Variants in DIP2C observed in about 807,000 individuals in gnomAD.
DIP2C encodes disco-interacting protein 2 homolog C.
In DIP2C, 33 loss-of-function variants were observed where a neutral mutation model predicts 192.4. The observed-to-expected ratio is 0.17, with a 90% CI of 0.13 to 0.23. The LOEUF (loss-of-function observed/expected upper bound fraction) is 0.23. DIP2C is among the 10% of genes least tolerant of loss of function. The pLI, the probability that DIP2C is intolerant of heterozygous loss-of-function variation, is 1.00. For missense variants in DIP2C, 1,537 were observed against 2,110.1 expected, an observed-to-expected ratio of 0.73 and a Z score of 5.32; for synonymous variants, 979 against 864.1, an observed-to-expected ratio of 1.13 and a Z score of -2.33.
At chr10:524,522 A>T (rs1053858805) in intron 1 of DIP2C, among the ~76,000 whole-genome samples, 1 of 152,216 alleles carries the variant, frequency 6.6e-6, no homozygotes, top group Non-Finnish European at 1.5e-5. Context: ...GTGCAAATGT[A>T]TAAAACATGG....
At chr10:644,896 G>A (rs1408718064) in intron 1 of DIP2C, among the ~76,000 whole-genome samples, 1 of 152,250 alleles carries the variant, frequency 6.6e-6, no homozygotes, top group Non-Finnish European at 1.5e-5. Flanking sequence ...AGTCGCATGG[G>A]AAAGTGAGCA....
chr10:446,409 C>G (rs531519390), intron 3 of DIP2C, among the ~76,000 whole-genome samples: 2 of 151,972 alleles, frequency 1.3e-5, no homozygotes, highest in African/African-American at 2.4e-5. Flanking sequence ...CCATGGTCCA[C>G]TGGGCATCTG....
chr10:679,766 C>T (rs1338457979), intron 1 of DIP2C, among the ~76,000 whole-genome samples: 6 of 152,068 alleles, frequency 3.9e-5, no homozygotes, highest in Admixed American at 2.6e-4. Context: ...CCATGATCCC[C>T]GCACCCGTGC....
Position 281,222 on chromosome 10 carries a change from C to T in DIP2C, c.4396G>A (p.Ala1466Thr), listed in dbSNP as rs142438404. The T allele has an allele frequency of 9.2e-5, 148 of 1,614,044 alleles. No homozygotes were observed. The highest frequency in any genetic ancestry group is 1.2e-4 in the Non-Finnish European group (138 of 1,180,032). ...PIDIETSVIR[A>T]HKSVTECAVF... is the part of the protein sequence containing the mutation. ...TACCATTCCGTAACGCTTTTATGGG[C>T]TCTGATGACCGAGGTCTCAATGTCG... Residue 1466 changes from alanine (A) to threonine (T), a missense_variant, in exon 36 of 37, where the codon GCC becomes ACC. Ala to Thr is a moderately conservative substitution (Grantham distance 58). Around this residue, in one of 4 missense-constraint regions of DIP2C, gnomAD observed 341 missense variants for 551.7 expected, o/e 0.62. Transcript: ENST00000280886.
In DIP2C at chr10:277,360, G is replaced by C; in HGVS notation, c.4636C>G (p.Gln1546Glu). The C allele has an allele frequency of 6.2e-7, 1 of 1,614,158 alleles. No homozygotes were observed. Among genetic ancestry groups the C allele is most frequent in the South Asian group, 1.1e-5 (1 of 91,076 alleles). ...TAGGCCACATAGATGGGGTCTAGCT[G>C]GTCTGCCAAAAACCCGTCTCGCAGG... ...MHLRDGFLAD[Q>E]LDPIYVAYNM The change falls in exon 37 of 37, where the codon CAG becomes GAG. Residue 1546 changes from glutamine to glutamate, a missense_variant. This residue lies in a region of DIP2C where 341 missense variants were observed against 551.7 expected (regional missense o/e 0.62). Transcript: ENST00000280886.
At chr10:315,457 C>T (rs1255281112) in intron 31 of DIP2C, among the ~76,000 whole-genome samples, 1 of 152,148 alleles carries the variant, frequency 6.6e-6, no homozygotes, top group East Asian at 1.9e-4. Context: ...TTTTCTCTTC[C>T]ATTCTGAAGG....
At position 627,796 on chromosome 10, in the gene DIP2C, C is replaced by T. The variant is rs549298816; in HGVS notation, c.85+61698G>A. On this transcript the variant is annotated intron_variant, in intron 1 of 36. Coordinates refer to ENST00000280886, the MANE Select transcript of DIP2C (RefSeq NM_014974.3). ...AGACCGCACGGCTCAGCCACGTGGA[C>T]GCTTACAGGACTTCACGAGAGGCAC... 3.2e-4 allele frequency among the ~76,000 whole-genome samples: 49 copies of T among 152,350 alleles called. 1 individual carries two copies. The South Asian group carries it at 6.6e-3, about 21-fold the overall frequency.
At chr10:333,168 G>C (rs532743960) in intron 29 of DIP2C, among the ~76,000 whole-genome samples, 1 of 152,312 alleles carries the variant, frequency 6.6e-6, no homozygotes, top group African/African-American at 2.4e-5. Context: ...CTCCCAAAGT[G>C]CTGGGATTAC....
intron 1 of DIP2C, chr10:667,725 C>G (rs546600493): frequency 6.6e-6 from 1 of 152,180 alleles, no homozygotes; most frequent in East Asian, 1.9e-4. Flanking sequence ...CAACACAACA[C>G]ACATGTACAA....
At chr10:302,703 AACATGTGACT>A (rs1302592375) in intron 32 of DIP2C, among the ~76,000 whole-genome samples, 3 of 152,222 alleles carry the variant, frequency 2.0e-5, no homozygotes, top group Non-Finnish European at 4.4e-5. Context: ...ACACCTGGAC[AACATGTGACT>A]ACATACAATT....
intron 1 of DIP2C, among the ~76,000 whole-genome samples, chr10:633,206 C>A (rs1403533071): frequency 6.6e-6 from 1 of 152,250 alleles, no homozygotes; most frequent in Non-Finnish European, 1.5e-5. Flanking sequence ...TTCTACATTT[C>A]TTCATGTCAA....
At chr10:552,923 G>C (rs1006374907) in intron 1 of DIP2C, among the ~76,000 whole-genome samples, 5 of 152,270 alleles carry the variant, frequency 3.3e-5, no homozygotes, top group African/African-American at 1.2e-4. Flanking sequence ...CTTGGGAAAA[G>C]CTCATTGTGG....
intron 4 of DIP2C, among the ~76,000 whole-genome samples, chr10:423,898 T>G (rs2133173863): frequency 6.6e-6 from 1 of 152,322 alleles, no homozygotes; most frequent in South Asian, 2.1e-4. Flanking sequence ...CAATTCACCT[T>G]TACAGTATTT....
Position 277,581 on chromosome 10 carries a change from A to C in DIP2C, c.4419-4T>G. 1 of 1,612,656 alleles carries C rather than the reference A, an allele frequency of 6.2e-7. No individual in the cohort carries two copies. The highest frequency in any genetic ancestry group is 8.5e-7 in the Non-Finnish European group (1 of 1,179,262). ...ATTTGTCCAGGTAAACACAGCACTA[A>C]AAGACAGAAAAGAAAGCCATCATTA... On this transcript the variant is annotated splice_polypyrimidine_tract_variant and splice_region_variant and intron_variant, in intron 36 of 36. Transcript: ENST00000280886.
chr10:536,831 C>T lies in DIP2C; in HGVS notation c.86-50301G>A, dbSNP rs139152209. 1.6e-4 allele frequency among the ~76,000 whole-genome samples: 24 copies of T among 152,328 alleles called. No homozygotes were observed. The East Asian group carries it at 4.2e-3, about 27-fold the overall frequency. On this transcript the variant is annotated intron_variant, in intron 1 of 36. Coordinates refer to ENST00000280886, the MANE Select transcript of DIP2C (RefSeq NM_014974.3). ...GTGTGGGAAATCCAAAGGGAAAAGGCAGTCATCTGAAACCATCTTCTTGAC... is the reference window on the plus strand; with the variant it reads ...GTGTGGGAAATCCAAAGGGAAAAGGTAGTCATCTGAAACCATCTTCTTGAC...
chr10:504,290 A>G (rs1411502739), intron 1 of DIP2C, among the ~76,000 whole-genome samples: 2 of 152,244 alleles, frequency 1.3e-5, no homozygotes, highest in African/African-American at 4.8e-5. Context: ...ACGCAAGGGA[A>G]ACAGCCGTCT....
chr10:580,225 C>T (rs1301478664), intron 1 of DIP2C, among the ~76,000 whole-genome samples: 2 of 151,448 alleles, frequency 1.3e-5, no homozygotes, highest in African/African-American at 4.9e-5. Flanking sequence ...GTATATATGT[C>T]AGTACACTAA....
chr10:508,909 G>A (rs1564802694), intron 1 of DIP2C, among the ~76,000 whole-genome samples: 1 of 152,158 alleles, frequency 6.6e-6, no homozygotes. Context: ...CGGCCACTCT[G>A]ACCCGACCGT....
chr10:550,841 G>A (rs1848546713), intron 1 of DIP2C, among the ~76,000 whole-genome samples: 1 of 152,210 alleles, frequency 6.6e-6, no homozygotes, highest in Non-Finnish European at 1.5e-5. Context: ...ATTCCCTCTG[G>A]GACCCCAGGC....
Sources: gnomAD v4.1 joint callset for allele counts (sites outside exome capture counted in the v4.1 genomes callset) on GRCh38, gnomAD v4.1.1 for gene constraint, gnomAD v4.1.1 regional missense constraint, MANE v1.5 for transcripts, NCBI Gene and HGNC (gene_info 2026-07-23, HGNC 2026-07-21) for gene names.